The following TTN variants were observed in gnomAD, a reference collection of about 807,000 sequenced individuals.
TTN encodes connectin.
Under a neutral mutation model 3,223.0 loss-of-function variants are expected in TTN, and 1,525 were observed. The ratio of observed to expected loss-of-function variants is 0.47; its 90% confidence interval spans 0.45 to 0.49. The LOEUF (loss-of-function observed/expected upper bound fraction) is 0.49, where lower values mean the gene tolerates loss of function less well. Among genes scored for constraint, TTN ranks in the 20% least tolerant of loss-of-function variants. TTN has a pLI of 0.00. For synonymous variants in TTN, 14,094 were observed against 15,161.0 expected, an observed-to-expected ratio of 0.93 and a Z score of 5.17; for missense variants, 40,786 against 43,424.0, an observed-to-expected ratio of 0.94 and a Z score of 5.40.
rs754885396 is a variant in TTN at position 178,721,997 on chromosome 2, G to A, written c.22666C>T (p.Arg7556Cys). Residue 7556 changes from arginine (R) to cysteine (C), a missense_variant, in exon 78 of 363, where the codon CGT (arginine) becomes TGT (cysteine). Physicochemically the swap from Arg to Cys is radical, Grantham distance 180 (BLOSUM62 -3). Coordinates refer to ENST00000589042, the MANE Select transcript of TTN (RefSeq NM_001267550.2). ...GTGATTGTATAGTTTCCTCCAGGAC[G>A]GATCTCCTTGTTATCTTTTGACCAA... ...ITWSKDNKEIRPGGNYTITCV... is the reference protein window; with the variant it reads ...ITWSKDNKEICPGGNYTITCV... 41 of 1,613,346 alleles carry A rather than the reference G, an allele frequency of 2.5e-5. No homozygotes were observed. In the Admixed American group the frequency reaches 3.5e-4, roughly 14 times the overall value.
intron 85 of TTN, 29 bp downstream of exon 85, chr2:178,718,293 G>A (rs754519200): frequency 1.2e-6 from 2 of 1,602,688 alleles, no homozygotes; most frequent in Non-Finnish European, 1.7e-6. Flanking sequence ...AAGAAAGAGA[G>A]CAATAAAAAG....
chr2:178,691,057 T>A (rs2072283780), intron 121 of TTN, among the ~76,000 whole-genome samples: 1 of 152,212 alleles, frequency 6.6e-6, no homozygotes, highest in Non-Finnish European at 1.5e-5. Flanking sequence ...TTTACTAACA[T>A]GACCTTTGTA....
At chr2:178,747,635 T>A in intron 47 of TTN, 2 of 1,613,320 alleles carry the variant, frequency 1.2e-6, no homozygotes, top group South Asian at 2.2e-5. Flanking sequence ...GTCTCTGGTG[T>A]CTTTAGTTTC....
chr2:178,554,452 C>T lies in TTN; in HGVS notation c.88894+1G>A. On this transcript the variant is annotated splice_donor_variant, in intron 332 of 362. Coordinates refer to ENST00000589042, the MANE Select transcript of TTN (RefSeq NM_001267550.2). LOFTEE classifies it high-confidence loss of function. ...AGTTTTCTAATGAAATCATGTCTCA[C>T]CAAATGCGTTCTTGGCTACAACGGA... The T allele has an allele frequency of 6.2e-7, 1 of 1,612,448 alleles. No individual in the cohort carries two copies. Among genetic ancestry groups the T allele is most frequent in the South Asian group, 1.1e-5 (1 of 90,824 alleles).
Position 178,779,316 on chromosome 2 carries a change from T to C in TTN, c.3876A>G (p.Gly1292=), listed in dbSNP as rs755784209. 2.7e-5 allele frequency: 44 copies of C among 1,613,388 alleles called. No homozygotes were observed. Among genetic ancestry groups the C allele is most frequent in the Non-Finnish European group, 3.4e-5 (40 of 1,179,610 alleles). Residue 1292 remains glycine (G), a synonymous_variant, in exon 23 of 363, where the codon GGA becomes GGG. Transcript: ENST00000589042. The stretch of plus-strand genomic sequence containing the variant: ...TATAATTCTTGATTCTTGAATCAAA[T>C]CCTGATTCAACAGCTTCAGATTCAG... ...DISESEAVES[G]FDSRIKNYRI...
intron 4 of TTN, 71 bp downstream of exon 4, chr2:178,800,324 G>A: frequency 6.3e-7 from 1 of 1,595,130 alleles, no homozygotes; most frequent in Admixed American, 1.7e-5. Flanking sequence ...GTGGCAAGTG[G>A]ACGCTTGGCC....
In TTN at chr2:178,532,481, A is replaced by C. The variant is rs759751557; in HGVS notation, c.104134T>G (p.Ser34712Ala). Residue 34712 changes from serine to alanine, a missense_variant, in exon 358 of 363, where the codon TCA becomes GCA. Physicochemically the swap from Ser to Ala is moderately conservative, Grantham distance 99. Coordinates refer to ENST00000589042, the MANE Select transcript of TTN (RefSeq NM_001267550.2). ...TCCACCTTGACATGAGCTTGTGGTG[A>C]AGAGTAACGTAGGCTAGAAAGCTCA... ...HFELSSLRYS[S>A]PQAHVKVEET... 1.9e-6 allele frequency: 3 copies of C among 1,613,990 alleles called. No individual in the cohort carries two copies. The highest frequency in any genetic ancestry group is 2.5e-6 in the Non-Finnish European group (3 of 1,179,872).
chr2:178,734,235 G>T, intron 52 of TTN, 93 bp downstream of exon 52: 1 of 1,421,872 alleles, frequency 7.0e-7, no homozygotes, highest in Non-Finnish European at 9.3e-7. Flanking sequence ...TTAAAGGATA[G>T]GACAAGAGAA....
rs986714747 is a variant in TTN at position 178,650,271 on chromosome 2, A to G, written c.39710T>C (p.Val13237Ala). The change falls in exon 210 of 363, where the codon GTA becomes GCA. Residue 13237 changes from valine (V) to alanine (A), a missense_variant and splice_region_variant. Coordinates refer to ENST00000589042, the MANE Select transcript of TTN (RefSeq NM_001267550.2). ...AGCAATTTCCTCAGGTTCTTCATAT[A>G]CTTTAAAGATATTAGTTAATTTTAT... ...PERAESPPPEVYEEPEEIAPE... is the reference protein window; with the variant it reads ...PERAESPPPEAYEEPEEIAPE... The G allele has an allele frequency of 1.3e-6, 2 of 1,564,876 alleles. No homozygotes were observed. Among genetic ancestry groups the G allele is most frequent in the Non-Finnish European group, 1.7e-6 (2 of 1,153,512 alleles).
Position 178,609,393 on chromosome 2 carries a change from CCCTT to C in TTN, c.51913_51916del (p.Lys17305ValfsTer13), listed in dbSNP as rs747513278. On this transcript the variant is annotated frameshift_variant, in exon 273 of 363. Coordinates refer to ENST00000589042, the MANE Select transcript of TTN (RefSeq NM_001267550.2). LOFTEE classifies it high-confidence loss of function. ...AAATGGTTCTTCTTCTTGAACTTCA[CCCTT>C]CCTTCTCCTAACCAAGGGTGCTGCA... 6.2e-7 allele frequency: 1 copy of C among 1,612,288 alleles called. No individual in the cohort carries two copies. Among genetic ancestry groups the C allele is most frequent in the Admixed American group, 1.7e-5 (1 of 59,920 alleles).
Position 178,557,479 on chromosome 2 carries a change from TG to T in TTN, c.87782del (p.Pro29261GlnfsTer10), listed in dbSNP as rs2154155647. The T allele has an allele frequency of 6.2e-7, 1 of 1,613,942 alleles. No homozygotes were observed. Among genetic ancestry groups the T allele is most frequent in the Non-Finnish European group, 8.5e-7 (1 of 1,179,856 alleles). ...CGACTGCACTGCCTCCATTTGACACTGGTTCATGCCAGCCCACAGTGATGCT... is the reference window on the plus strand; with the variant it reads ...CGACTGCACTGCCTCCATTTGACACTGTTCATGCCAGCCCACAGTGATGCT... The part of the protein sequence containing the change: ...RESITVGWHE[P>X]VSNGGSAVVG... On this transcript the variant is annotated frameshift_variant, in exon 329 of 363. Transcript: ENST00000589042. LOFTEE classifies it high-confidence loss of function.
In TTN at chr2:178,548,590, T is replaced by G; in HGVS notation, c.93036A>C (p.Lys31012Asn). The G allele has an allele frequency of 6.2e-7, 1 of 1,613,862 alleles. No homozygotes were observed. Among genetic ancestry groups the G allele is most frequent in the Non-Finnish European group, 8.5e-7 (1 of 1,179,800 alleles). Residue 31012 changes from lysine to asparagine, a missense_variant, in exon 339 of 363, where the codon AAA (lysine) becomes AAC (asparagine). By Grantham distance (94) the Lys-to-Asn change is moderately conservative (BLOSUM62 0). Coordinates refer to ENST00000589042, the MANE Select transcript of TTN (RefSeq NM_001267550.2). This position sits in a 1 kb window ranked among gnomAD's most constrained non-coding sequence, Gnocchi z 4.3. ...SGSKSITFTV[K>N]VLDTPGPPGP... ...CAGGTGGGCCTGGAGTGTCTAGCACTTTCACGGTGAATGTGATTGACTTAC... is the reference window on the plus strand; with the variant it reads ...CAGGTGGGCCTGGAGTGTCTAGCACGTTCACGGTGAATGTGATTGACTTAC...
rs1219060764 is a variant in TTN at position 178,629,386 on chromosome 2, GT to G, written c.44338del (p.Thr14780GlnfsTer24). 6.2e-7 allele frequency: 1 copy of G among 1,613,014 alleles called. No individual in the cohort carries two copies. Among genetic ancestry groups the G allele is most frequent in the Admixed American group, 1.7e-5 (1 of 59,988 alleles). ...LKDVTVTAGE[T>X]ATFDCELSYE... ...GGAGAGCTCGCAGTCGAAGGTGGCT[GT>G]TTCCCCTGCAGTCACGGTGACATCC... On this transcript the variant is annotated frameshift_variant, in exon 240 of 363. Coordinates refer to ENST00000589042, the MANE Select transcript of TTN (RefSeq NM_001267550.2). LOFTEE classifies it high-confidence loss of function.
intron 243 of TTN, 35 bp from the exon 244 acceptor site, chr2:178,622,043 G>T: frequency 1.3e-6 from 2 of 1,557,220 alleles, no homozygotes; most frequent in Non-Finnish European, 8.7e-7. Flanking sequence ...CAGTTTTCTT[G>T]TTGTTCCTTC....
intron 103 of TTN, 51 bp downstream of exon 103, chr2:178,705,123 A>G: frequency 6.3e-7 from 1 of 1,595,112 alleles, no homozygotes. Flanking sequence ...AATATGTGAG[A>G]TGTTTTAAAT....
At chr2:178,647,272 T>C in intron 214 of TTN, 109 bp downstream of exon 214, 1 of 1,333,258 alleles carries the variant, frequency 7.5e-7, no homozygotes, top group African/African-American at 1.5e-5. Flanking sequence ...ACCCCCCAAA[T>C]ATCAATAACT....
intron 99 of TTN, among the ~76,000 whole-genome samples, chr2:178,708,148 G>A (rs2076146894): frequency 6.6e-6 from 1 of 152,154 alleles, no homozygotes; most frequent in African/African-American, 2.4e-5. Context: ...TCAAACCTGT[G>A]TACAGCGGTG....
intron 52 of TTN, 23 bp from the exon 53 acceptor site, chr2:178,733,915 T>A (rs2080981825): frequency 6.5e-7 from 1 of 1,549,158 alleles, no homozygotes; most frequent in African/African-American, 1.4e-5. Flanking sequence ...AGAGAGCATA[T>A]AAAACATATC....
At position 178,639,930 on chromosome 2, in the gene TTN, A is replaced by G. The variant is rs573971698; in HGVS notation, c.40786+118T>C. On this transcript the variant is annotated intron_variant, in intron 222 of 362. Coordinates refer to ENST00000589042, the MANE Select transcript of TTN (RefSeq NM_001267550.2). ...AGAGAATAGTATATTAAGCATTTTG[A>G]GACGTTAGAAATCATTTGATACATA... is the stretch of plus-strand genomic sequence containing the variant. 2.1e-5 allele frequency: 31 copies of G among 1,453,520 alleles called. 1 individual carries two copies. The South Asian group carries it at 3.8e-4, about 18-fold the overall frequency. 90.0% of individuals were successfully genotyped at this position (1,453,520 alleles called of 1,614,324 possible).
Sources: allele counts gnomAD v4.1 joint callset (sites outside exome capture counted in the v4.1 genomes callset), GRCh38; gene constraint gnomAD v4.1.1; non-coding constraint Gnocchi (gnomAD v3.1); transcripts MANE v1.5; gene names NCBI Gene and HGNC (gene_info 2026-07-23, HGNC 2026-07-21).